MMAA: variants seen among roughly 807,000 people sequenced by gnomAD.
MMAA encodes the protein methylmalonic aciduria type A protein, mitochondrial.
A neutral mutation model predicts 45.0 loss-of-function variants in MMAA; 41 were observed. The observed-to-expected ratio is 0.91, with a 90% CI of 0.71 to 1.18. The LOEUF (loss-of-function observed/expected upper bound fraction) is 1.18, where lower values mean the gene tolerates loss of function less well. Ranked by LOEUF, MMAA falls within the 50% of genes most tolerant of loss-of-function variation. MMAA has a pLI of 0.00. For synonymous variants in MMAA, 154 were observed against 178.2 expected (o/e 0.86, Z 1.08); for missense variants, 460 against 495.7 (o/e 0.93, Z 0.68).
intron 3 of MMAA, 111 bp downstream of exon 3, chr4:145,642,596 C>G (rs895556812): frequency 1.9e-5 from 28 of 1,465,514 alleles, no homozygotes; most frequent in Middle Eastern, 3.5e-4. Context: ...AGTTTGGTCT[C>G]GCTAAAGGAA....
Position 145,642,432 on chromosome 4 carries a change from G to C in MMAA, c.509G>C (p.Arg170Thr), listed in dbSNP as rs1727813609. 4.3e-6 allele frequency: 7 copies of C among 1,614,166 alleles called. No individual in the cohort carries two copies. The highest frequency in any genetic ancestry group is 5.9e-6 in the Non-Finnish European group (7 of 1,180,008). ...IEYFGKMLTERGHKLSVLAVD... is the reference protein window; with the variant it reads ...IEYFGKMLTETGHKLSVLAVD... ...TATTTTGGAAAAATGCTTACTGAGA[G>C]AGGGCACAAATTATCTGTGCTAGCT... The change falls in exon 3 of 7, where the codon AGA becomes ACA. Residue 170 changes from arginine (R) to threonine (T), a missense_variant. Arg to Thr is a moderately conservative substitution (Grantham distance 71, BLOSUM62 -1). Transcript: ENST00000649156.
intron 5 of MMAA, 150 bp from the exon 6 acceptor site, chr4:145,653,844 A>G (rs1728158488): frequency 2.4e-6 from 2 of 825,216 alleles, no homozygotes; most frequent in Non-Finnish European, 4.1e-6. Flanking sequence ...CTTTTGAGTA[A>G]TTTCTGTCAA....
At chr4:145,629,995 G>A (rs534100798) in intron 1 of MMAA, among the ~76,000 whole-genome samples, 30 of 151,982 alleles carry the variant, frequency 2.0e-4, no homozygotes, top group Non-Finnish European at 3.8e-4. Context: ...CTTTGGTTTG[G>A]GTATCAGAGT....
chr4:145,643,960 C>T (rs1039205353), intron 3 of MMAA, among the ~76,000 whole-genome samples: 1 of 152,000 alleles, frequency 6.6e-6, no homozygotes, highest in African/African-American at 2.4e-5. Flanking sequence ...ATTATATAGA[C>T]TTTGAAAGAA....
intron 1 of MMAA, among the ~76,000 whole-genome samples, chr4:145,629,150 T>C (rs1341369086): frequency 6.6e-6 from 1 of 152,230 alleles, no homozygotes; most frequent in African/African-American, 2.4e-5. Flanking sequence ...TTTTGTTTTT[T>C]GAGACAGAGT....
At chr4:145,638,736 T>C (rs1727693898) in intron 1 of MMAA, among the ~76,000 whole-genome samples, 1 of 152,178 alleles carries the variant, frequency 6.6e-6, no homozygotes. Context: ...TGTATTGACC[T>C]GAGGAAACTG....
At chr4:145,636,089 A>G (rs561527582) in intron 1 of MMAA, among the ~76,000 whole-genome samples, 1 of 152,364 alleles carries the variant, frequency 6.6e-6, no homozygotes, top group African/African-American at 2.4e-5. Context: ...ATGAAATAAA[A>G]TATCTGAAAG....
chr4:145,644,151 G>A (rs1727865732), intron 3 of MMAA, among the ~76,000 whole-genome samples: 1 of 152,166 alleles, frequency 6.6e-6, no homozygotes, highest in South Asian at 2.1e-4. Context: ...ACCTTCGTGA[G>A]AGTCTACAAT....
intron 2 of MMAA, among the ~76,000 whole-genome samples, chr4:145,641,097 T>G (rs1355255519): frequency 6.6e-6 from 1 of 152,226 alleles, no homozygotes. Context: ...TTTTTCAGAC[T>G]TCTTAATCTT....
intron 3 of MMAA, among the ~76,000 whole-genome samples, chr4:145,644,884 G>A (rs1358966411): frequency 6.6e-6 from 1 of 152,192 alleles, no homozygotes; most frequent in Non-Finnish European, 1.5e-5. Flanking sequence ...CCCAGTAGAT[G>A]CCAGTAGCAC....
rs769242756 is a variant in MMAA at position 145,654,234 on chromosome 4, A to G, written c.969+91A>G. 1.6e-4 allele frequency: 234 copies of G among 1,452,368 alleles called. 1 individual carries two copies. The highest frequency in any genetic ancestry group is 2.1e-4 in the Non-Finnish European group (216 of 1,035,520). The allele number at this position is 1,452,368 out of a possible 1,614,324, so 90.0% of individuals were successfully genotyped here. ...AAGTCCCAAACTAGACATATAATCA[A>G]TCTTGCTTCTATGTGAAGATGATAG... is the stretch of plus-strand genomic sequence containing the variant. On this transcript the variant is annotated intron_variant, in intron 6 of 6. Coordinates refer to ENST00000649156, the MANE Select transcript of MMAA (RefSeq NM_172250.3).
intron 4 of MMAA, among the ~76,000 whole-genome samples, chr4:145,648,229 C>T (rs1237369645): frequency 6.6e-6 from 1 of 150,914 alleles, no homozygotes; most frequent in Non-Finnish European, 1.5e-5. Context: ...CTCACTGCAA[C>T]CTCCGCCTCC....
At chr4:145,629,750 G>A (rs1734289171) in intron 1 of MMAA, among the ~76,000 whole-genome samples, 1 of 152,146 alleles carries the variant, frequency 6.6e-6, no homozygotes, top group Non-Finnish European at 1.5e-5. Context: ...CGTGGATGGC[G>A]GCAGGCAGAA....
At chr4:145,635,784 T>G (rs1370176530) in intron 1 of MMAA, among the ~76,000 whole-genome samples, 2 of 152,258 alleles carry the variant, frequency 1.3e-5, no homozygotes, top group African/African-American at 2.4e-5. Context: ...CTCTGTTCTT[T>G]GGCTCCTCCT....
intron 1 of MMAA, among the ~76,000 whole-genome samples, chr4:145,637,218 A>G (rs768040322): frequency 3.3e-5 from 5 of 152,190 alleles, no homozygotes; most frequent in African/African-American, 9.6e-5. Context: ...ATTCCAGTCT[A>G]TTGGTAGTGG....
intron 1 of MMAA, among the ~76,000 whole-genome samples, chr4:145,629,183 T>C (rs1001903541): frequency 6.6e-6 from 1 of 152,188 alleles, no homozygotes; most frequent in African/African-American, 2.4e-5. Flanking sequence ...CAGGCTGGAG[T>C]GCAGTGGCAC....
At position 145,655,640 on chromosome 4, in the gene MMAA, A is replaced by C. The variant is rs1728209460; in HGVS notation, c.*206A>C. The C allele has an allele frequency of 3.9e-6, 2 of 511,904 alleles. No individual in the cohort carries two copies. The highest frequency in any genetic ancestry group is 2.8e-5 in the South Asian group (1 of 35,344). 31.7% of individuals were successfully genotyped at this position (511,904 alleles called of 1,614,324 possible). A position where few individuals can be genotyped will look rare whatever the true frequency, so the allele number is the denominator to read the frequency against. Reference sequence around the variant, plus strand: ...ATAAGGTACCTGTTTTATGTTACTGATATCTGTTTCCTTCTCTTCTTATAC... The same window carrying C: ...ATAAGGTACCTGTTTTATGTTACTGCTATCTGTTTCCTTCTCTTCTTATAC... On this transcript the variant is annotated 3_prime_UTR_variant, in exon 7 of 7. Coordinates refer to ENST00000649156, the MANE Select transcript of MMAA (RefSeq NM_172250.3).
At chr4:145,651,450 C>T (rs1027027635) in intron 5 of MMAA, among the ~76,000 whole-genome samples, 4 of 152,122 alleles carry the variant, frequency 2.6e-5, no homozygotes, top group African/African-American at 4.8e-5. Context: ...GTTGTTAGTA[C>T]GTTGATTCAA....
rs1484679785 is a variant in MMAA at position 145,639,588 on chromosome 4, T to C, written c.439+10T>C. 1 of 1,602,860 alleles carries C rather than the reference T, an allele frequency of 6.2e-7. No homozygotes were observed. The highest frequency in any genetic ancestry group is 1.7e-5 in the Admixed American group (1 of 58,800). ...CTAGCATTTCGAGTAGGTCAGTCTT[T>C]TTTGTGTGTTTTCTCAGTAAATATT... On this transcript the variant is annotated intron_variant, in intron 2 of 6. Transcript: ENST00000649156.
Sources: gnomAD v4.1 joint callset for allele counts (sites outside exome capture counted in the v4.1 genomes callset) on GRCh38, gnomAD v4.1.1 for gene constraint, MANE v1.5 for transcripts, NCBI Gene and HGNC (gene_info 2026-07-23, HGNC 2026-07-21) for gene names.